FBN2: variants seen among roughly 807,000 people sequenced by gnomAD.
FBN2 encodes fibrillin-2.
In FBN2, 105 loss-of-function variants were observed where a neutral mutation model predicts 355.6. The observed-to-expected ratio is 0.30, with a 90% CI of 0.25 to 0.35. FBN2 has a LOEUF of 0.35. Among genes scored for constraint, FBN2 ranks in the 10% least tolerant of loss-of-function variants. The probability of loss-of-function intolerance (pLI) is 1.00; values close to 1 mark genes in which losing one functional copy is unlikely to be tolerated. For synonymous variants in FBN2, 1,350 were observed against 1,301.2 expected, an observed-to-expected ratio of 1.04 and a Z score of -0.81; for missense variants, 3,280 against 3,758.7, an observed-to-expected ratio of 0.87 and a Z score of 3.33.
chr5:128,533,170 C>T lies in FBN2; in HGVS notation c.338-2477G>A, dbSNP rs535237117. Among the ~76,000 whole-genome samples the T allele has an allele frequency of 2.0e-4, 31 of 152,296 alleles. 1 individual carries two copies. In the South Asian group the frequency reaches 5.8e-3, roughly 29 times the overall value. On this transcript the variant is annotated intron_variant, in intron 2 of 64. Transcript: ENST00000262464. ...TAAAATGTACTACAGTTTCTGATCACCAGTAACTCTCCAATGACAAATGTG... is the reference window on the plus strand; with the variant it reads ...TAAAATGTACTACAGTTTCTGATCATCAGTAACTCTCCAATGACAAATGTG...
intron 5 of FBN2, among the ~76,000 whole-genome samples, chr5:128,498,324 G>A (rs1315712161): frequency 2.0e-5 from 3 of 152,132 alleles, no homozygotes; most frequent in Non-Finnish European, 2.9e-5. Context: ...ACCAGTCACG[G>A]GATAATTAAT....
intron 62 of FBN2, among the ~76,000 whole-genome samples, chr5:128,268,314 A>T (rs771757977): frequency 1.3e-5 from 2 of 152,216 alleles, no homozygotes; most frequent in African/African-American, 4.8e-5. Flanking sequence ...CCCTACCAAG[A>T]CTAAACCAGG....
chr5:128,455,986 G>GCAA (rs1458374658), intron 6 of FBN2, among the ~76,000 whole-genome samples: 15 of 11,854 alleles, frequency 1.3e-3, no homozygotes, highest in Middle Eastern at 0.083. Context: ...GGGAGGGTTA[G>GCAA]CAACAAAAAA....
intron 5 of FBN2, among the ~76,000 whole-genome samples, chr5:128,483,876 A>G (rs1755261226): frequency 6.6e-6 from 1 of 152,140 alleles, no homozygotes; most frequent in East Asian, 1.9e-4. Context: ...GAGTAGACAA[A>G]TCTGGTTGCC....
At position 128,309,242 on chromosome 5, in the gene FBN2, C is replaced by T; in HGVS notation, c.5353+5G>A. ...AGTCAGCAGATGCACGAGCCGTGTG[C>T]TTACCTGTTCCTGGAGTTGGGCATG... is the stretch of plus-strand genomic sequence containing the variant. On this transcript the variant is annotated splice_donor_5th_base_variant and intron_variant, in intron 41 of 64. Transcript: ENST00000262464. The T allele has an allele frequency of 1.9e-6, 3 of 1,613,946 alleles. No individual in the cohort carries two copies. Among genetic ancestry groups the T allele is most frequent in the South Asian group, 2.2e-5 (2 of 91,084 alleles).
chr5:128,455,802 G>A (rs1416403651), intron 6 of FBN2, among the ~76,000 whole-genome samples: 1 of 151,346 alleles, frequency 6.6e-6, no homozygotes, highest in Non-Finnish European at 1.5e-5. Context: ...CCCACGAATC[G>A]GAGGATCCCA....
intron 56 of FBN2, among the ~76,000 whole-genome samples, chr5:128,279,602 T>C (rs1765482242): frequency 6.6e-6 from 1 of 152,144 alleles, no homozygotes; most frequent in Non-Finnish European, 1.5e-5. Flanking sequence ...TTAAATCAAG[T>C]GATGAGTCAA....
intron 14 of FBN2, 26 bp from the exon 15 acceptor site, chr5:128,374,776 G>A: frequency 6.2e-7 from 1 of 1,613,548 alleles, no homozygotes; most frequent in East Asian, 2.2e-5. Flanking sequence ...CAGAAGCCAA[G>A]CAGTTACTGG....
intron 48 of FBN2, among the ~76,000 whole-genome samples, chr5:128,296,491 A>G (rs1581196243): frequency 6.6e-6 from 1 of 152,048 alleles, no homozygotes; most frequent in Non-Finnish European, 1.5e-5. Flanking sequence ...TTGGTAAGCT[A>G]TTGATTATTG....
chr5:128,507,672 T>C (rs1012026940), intron 5 of FBN2, among the ~76,000 whole-genome samples: 2 of 152,074 alleles, frequency 1.3e-5, no homozygotes, highest in Middle Eastern at 3.2e-3. Context: ...TTTGAGTTGT[T>C]CATTATCTAC....
At chr5:128,399,686 G>A (rs1432171810) in intron 8 of FBN2, among the ~76,000 whole-genome samples, 1 of 151,786 alleles carries the variant, frequency 6.6e-6, no homozygotes, top group Non-Finnish European at 1.5e-5. Flanking sequence ...AGTTGTGAGG[G>A]GAAGATCAAA....
chr5:128,302,202 T>C (rs1442250539), intron 46 of FBN2, among the ~76,000 whole-genome samples: 1 of 152,200 alleles, frequency 6.6e-6, no homozygotes, highest in Non-Finnish European at 1.5e-5. Context: ...GGATGAGCTC[T>C]GATGTAGTCC....
At chr5:128,406,061 G>A (rs1270450404) in intron 8 of FBN2, among the ~76,000 whole-genome samples, 1 of 152,132 alleles carries the variant, frequency 6.6e-6, no homozygotes, top group African/African-American at 2.4e-5. Flanking sequence ...TTTTCCTATA[G>A]AGTTCAAGAA....
intron 9 of FBN2, 31 bp downstream of exon 9, chr5:128,395,091 G>T: frequency 6.2e-7 from 1 of 1,613,236 alleles, no homozygotes; most frequent in South Asian, 1.1e-5. Context: ...AACAGTGTCT[G>T]TGCTGAGGAG....
chr5:128,268,833 T>C (rs1472678016), intron 62 of FBN2, among the ~76,000 whole-genome samples: 2 of 152,186 alleles, frequency 1.3e-5, no homozygotes, highest in African/African-American at 4.8e-5. Context: ...CATCTCTTCA[T>C]GTTAAAAACT....
chr5:128,357,392 A>G lies in FBN2; in HGVS notation c.2558T>C (p.Ile853Thr), dbSNP rs776120046. Residue 853 changes from isoleucine (I) to threonine (T), a missense_variant, in exon 20 of 65, where the codon ATA becomes ACA. Physicochemically the swap from Ile to Thr is moderately conservative, Grantham distance 89. Around this residue, in one of 6 missense-constraint regions of FBN2, gnomAD observed 2,284 missense variants for 2,749.5 expected, o/e 0.83. Coordinates refer to ENST00000262464, the MANE Select transcript of FBN2 (RefSeq NM_001999.4). ...FRTETETCED[I>T]NECESNPCVN... ...ACATGGGTTGCTTTCACATTCATTT[A>G]TATCTACAATCCAGAAGGAAAAGAT... The G allele has an allele frequency of 3.1e-6, 5 of 1,613,746 alleles. No individual in the cohort carries two copies. The highest frequency in any genetic ancestry group is 1.3e-5 in the African/African-American group (1 of 74,922).
chr5:128,496,895 A>T (rs1437402199), intron 5 of FBN2, among the ~76,000 whole-genome samples: 4 of 152,100 alleles, frequency 2.6e-5, no homozygotes, highest in Non-Finnish European at 5.9e-5. Flanking sequence ...CAACTGCATT[A>T]CTGTACACTG....
Position 128,307,313 on chromosome 5 carries a change from C to T in FBN2, c.5354-110G>A, listed in dbSNP as rs1279305133. 4 of 751,544 alleles carry T rather than the reference C, an allele frequency of 5.3e-6. No individual in the cohort carries two copies. In the African/African-American group the frequency reaches 6.9e-5, roughly 13 times the overall value. 46.6% of individuals were successfully genotyped at this position (751,544 alleles called of 1,614,324 possible). On this transcript the variant is annotated intron_variant, in intron 41 of 64. Coordinates refer to ENST00000262464, the MANE Select transcript of FBN2 (RefSeq NM_001999.4). ...ATATTTTACATTATTCACAACCAGA[C>T]ATTTTGATTTCAATTATATTTATTT...
rs776362563 is a variant in FBN2, at chr5:128,291,512, G to A, written c.6292+17C>T. On this transcript the variant is annotated intron_variant, in intron 49 of 64. Coordinates refer to ENST00000262464, the MANE Select transcript of FBN2 (RefSeq NM_001999.4). ...TCTAAGCGTGAACTGTGACAGTGAA[G>A]TCATGCCAAATCTTACCAAAGCATC... 8 of 1,613,658 alleles carry A rather than the reference G, an allele frequency of 5.0e-6. No homozygotes were observed. The highest frequency in any genetic ancestry group is 4.4e-5 in the South Asian group (4 of 91,042).
Sources: allele counts gnomAD v4.1 joint callset (sites outside exome capture counted in the v4.1 genomes callset), GRCh38; gene constraint gnomAD v4.1.1; regional missense constraint gnomAD v4.1.1; transcripts MANE v1.5; gene names NCBI Gene and HGNC (gene_info 2026-07-23, HGNC 2026-07-21).